The following SEC13 variants were observed in gnomAD, a reference collection of about 807,000 sequenced individuals.
SEC13 encodes the protein SEC13 homolog, nuclear pore and COPII component, also known as protein SEC13 homolog.
Under a neutral mutation model 49.2 loss-of-function variants are expected in SEC13, and 25 were observed. The observed-to-expected ratio is 0.51, with a 90% CI of 0.37 to 0.71. The LOEUF is 0.71. Ranked by LOEUF, SEC13 falls within the 30% of genes least tolerant of loss-of-function variation. SEC13 has a pLI of 0.00. For synonymous variants in SEC13, 148 were observed against 163.9 expected (o/e 0.90, Z 0.74); for missense variants, 383 against 417.6 (o/e 0.92, Z 0.72).
intron 1 of SEC13, among the ~76,000 whole-genome samples, chr3:10,320,258 G>A (rs1158092643): frequency 6.6e-6 from 1 of 152,110 alleles, no homozygotes; most frequent in East Asian, 1.9e-4. Flanking sequence ...CTGATTTCTA[G>A]GTTCCTGCAG....
intron 4 of SEC13, 149 bp from the exon 5 acceptor site, chr3:10,312,247 C>A (rs1701319346): frequency 4.5e-6 from 6 of 1,341,672 alleles, no homozygotes; most frequent in Non-Finnish European, 5.9e-6. Flanking sequence ...ACTGAGGACA[C>A]AAAAAAACCC....
At chr3:10,308,653 T>C (rs114056764) in intron 5 of SEC13, among the ~76,000 whole-genome samples, 2,374 of 152,124 alleles carry the variant, frequency 0.016, 67 homozygotes, top group African/African-American at 0.053. Flanking sequence ...ATCCTTACTA[T>C]TGAAGAGTCT....
In SEC13 at chr3:10,305,897, A is replaced by G. The variant is rs1700846211; in HGVS notation, c.451-205T>C. 3 of 454,000 alleles carry G rather than the reference A, an allele frequency of 6.6e-6. 1 individual carries two copies. The South Asian group carries it at 2.0e-4, about 30-fold the overall frequency. 28.1% of individuals were successfully genotyped at this position (454,000 alleles called of 1,614,324 possible). ...TGCATTTTTCTGCAGTGTGCGCTAA[A>G]AGTAGAAATTAAGAACTCCCACAAG... On this transcript the variant is annotated intron_variant, in intron 5 of 8. Transcript: ENST00000350697.
intron 3 of SEC13, among the ~76,000 whole-genome samples, chr3:10,314,244 T>A (rs1701464060): frequency 6.6e-6 from 1 of 152,118 alleles, no homozygotes; most frequent in African/African-American, 2.4e-5. Context: ...CCTCCCAAAG[T>A]GTTAAGGATT....
rs1249244474 is a variant in SEC13, at chr3:10,315,453, G to C, written c.49-17C>G. The C allele has an allele frequency of 7.6e-7, 1 of 1,316,632 alleles. No homozygotes were observed. The highest frequency in any genetic ancestry group is 1.5e-5 in the African/African-American group (1 of 66,706). The allele number at this position is 1,316,632 out of a possible 1,614,324, so 81.6% of individuals were successfully genotyped here. On this transcript the variant is annotated splice_polypyrimidine_tract_variant and intron_variant, in intron 2 of 8. Coordinates refer to ENST00000350697, the MANE Select transcript of SEC13 (RefSeq NM_183352.3). ...GGCGTCGTGCTGCAAAGGGAGGACA[G>C]CTCGGGAAGCCTGCAGGCTGGGTGG...
chr3:10,315,029 G>C, intron 3 of SEC13: 1 of 312,790 alleles, frequency 3.2e-6, no homozygotes, highest in East Asian at 6.7e-5. Flanking sequence ...AGGATGAGCA[G>C]ATGAAGGCTC....
At chr3:10,307,818 C>T (rs995419741) in intron 5 of SEC13, among the ~76,000 whole-genome samples, 3 of 152,184 alleles carry the variant, frequency 2.0e-5, no homozygotes, top group African/African-American at 4.8e-5. Flanking sequence ...ATCCGCCTGC[C>T]TCAGCCTCCC....
In SEC13 at chr3:10,301,105, G is replaced by A. The variant is rs200510084; in HGVS notation, c.*156C>T. 7 of 1,613,376 alleles carry A rather than the reference G, an allele frequency of 4.3e-6. No individual in the cohort carries two copies. The highest frequency in any genetic ancestry group is 2.2e-5 in the East Asian group (1 of 44,880). Reference sequence around the variant, plus strand: ...TAGATTACAAAGCATCTCCGATCACGTTAAGGCAGATGATCAATCTGTGGC... The same window carrying A: ...TAGATTACAAAGCATCTCCGATCACATTAAGGCAGATGATCAATCTGTGGC... On this transcript the variant is annotated 3_prime_UTR_variant, in exon 9 of 9. Coordinates refer to ENST00000350697, the MANE Select transcript of SEC13 (RefSeq NM_183352.3).
At chr3:10,313,362 T>G in intron 3 of SEC13, 1 of 506,872 alleles carries the variant, frequency 2.0e-6, no homozygotes, top group Non-Finnish European at 4.1e-6. Flanking sequence ...ATGGTAGAGT[T>G]AGTGGTTAGG....
At chr3:10,316,397 C>A (rs1430131904) in intron 2 of SEC13, among the ~76,000 whole-genome samples, 2 of 152,274 alleles carry the variant, frequency 1.3e-5, no homozygotes, top group South Asian at 2.1e-4. Flanking sequence ...CACCTCCCTA[C>A]GCAAGGAACA....
chr3:10,317,875 C>G (rs1383424830), intron 2 of SEC13, among the ~76,000 whole-genome samples, 175 bp downstream of exon 2: 5 of 152,108 alleles, frequency 3.3e-5, no homozygotes, highest in Non-Finnish European at 7.4e-5. Flanking sequence ...ACTCAGAGGG[C>G]ACTGCTAGGG....
intron 8 of SEC13, among the ~76,000 whole-genome samples, chr3:10,303,386 C>G (rs148554487): frequency 1.9e-3 from 288 of 152,356 alleles, no homozygotes; most frequent in African/African-American, 6.7e-3. Flanking sequence ...TGGCTTGTTA[C>G]TGCTTCCTTT....
chr3:10,320,942 A>G, intron 1 of SEC13, 108 bp downstream of exon 1: 1 of 1,556,548 alleles, frequency 6.4e-7, no homozygotes, highest in Non-Finnish European at 8.7e-7. Flanking sequence ...GGTGGAGGGG[A>G]GCTGAACGGC....
intron 8 of SEC13, 94 bp downstream of exon 8, chr3:10,303,932 C>T: frequency 1.4e-6 from 2 of 1,405,104 alleles, no homozygotes; most frequent in Non-Finnish European, 2.0e-6. Context: ...CCTGCCCAGC[C>T]TGCAGTCAGA....
Position 10,301,358 on chromosome 3 carries a change from T to C in SEC13, c.872A>G (p.Glu291Gly). Residue 291 changes from glutamate (E) to glycine (G), a missense_variant, in exon 9 of 9, where the codon GAG becomes GGG. Coordinates refer to ENST00000350697, the MANE Select transcript of SEC13 (RefSeq NM_183352.3). ...GCACACCCACTGCCCATCAACTGAC[T>C]CCTTCCACAGGGTCACCTGCGAGTC... is the stretch of plus-strand genomic sequence containing the variant. The part of the protein sequence containing the change: ...GGDNKVTLWK[E>G]SVDGQWVCIS... 5.0e-6 allele frequency: 8 copies of C among 1,614,140 alleles called. No individual in the cohort carries two copies. Among genetic ancestry groups the C allele is most frequent in the Non-Finnish European group, 6.8e-6 (8 of 1,180,034 alleles).
At chr3:10,316,392 C>T (rs1473633901) in intron 2 of SEC13, among the ~76,000 whole-genome samples, 1 of 152,166 alleles carries the variant, frequency 6.6e-6, no homozygotes, top group East Asian at 1.9e-4. Context: ...ATTCTCACCT[C>T]CCTACGCAAG....
At chr3:10,305,883 G>A (rs1700844882) in intron 5 of SEC13, 191 bp from the exon 6 acceptor site, 4 of 505,808 alleles carry the variant, frequency 7.9e-6, no homozygotes, top group African/African-American at 1.9e-5. Context: ...GCATTTTTCT[G>A]CAGTGTGCGC....
In SEC13 at chr3:10,305,063, C is replaced by T. The variant is rs140403618; in HGVS notation, c.678G>A (p.Leu226=). The T allele has an allele frequency of 6.4e-4, 1,041 of 1,614,154 alleles. 4 individuals are homozygous for T. Among genetic ancestry groups the T allele is most frequent in the Middle Eastern group, 4.0e-3 (24 of 6,056 alleles). The part of the protein sequence containing the change: ...RDVAWAPSIG[L]PTSTIASCSQ... ...AGCAGCTGGCGATGGTGCTGGTGGG[C>T]AGGCCGATGGAGGGGGCCCAGGCCA... Residue 226 remains leucine, a synonymous_variant, in exon 7 of 9, where the codon CTG becomes CTA. Transcript: ENST00000350697.
chr3:10,306,389 A>G (rs1018142291), intron 5 of SEC13, among the ~76,000 whole-genome samples: 2 of 152,204 alleles, frequency 1.3e-5, no homozygotes, highest in African/African-American at 4.8e-5. Context: ...CCCTTTGGCA[A>G]GACTAGAGCT....
Sources: gnomAD v4.1 joint callset for allele counts (sites outside exome capture counted in the v4.1 genomes callset) on GRCh38, gnomAD v4.1.1 for gene constraint, MANE v1.5 for transcripts, NCBI Gene and HGNC (gene_info 2026-07-23, HGNC 2026-07-21) for gene names.